LIX1L: variants seen among roughly 807,000 people sequenced by gnomAD.
LIX1L encodes LIX1-like protein.
LIX1L carries 20 observed loss-of-function variants against 34.0 expected under a neutral mutation model. That is an observed-to-expected ratio of 0.59 (90% CI 0.41 to 0.85). The LOEUF is 0.85. LIX1L is among the 40% of genes least tolerant of loss of function. The probability of loss-of-function intolerance (pLI) is 0.00; values close to 1 mark genes in which losing one functional copy is unlikely to be tolerated. For synonymous variants in LIX1L, 170 were observed against 187.4 expected (o/e 0.91, Z 0.76); for missense variants, 397 against 447.0 (o/e 0.89, Z 1.01).
intron 1 of LIX1L, chr1:145,949,025 A>G (rs782426027): frequency 1.3e-5 from 2 of 152,220 alleles, no homozygotes; most frequent in Non-Finnish European, 1.5e-5. Context: ...TTGCTGTGCT[A>G]TGAATAATAA....
At chr1:145,951,709 G>C (rs1354657919) in intron 1 of LIX1L, among the ~76,000 whole-genome samples, 1 of 152,158 alleles carries the variant, frequency 6.6e-6, no homozygotes, top group Non-Finnish European at 1.5e-5. Flanking sequence ...TTCAGCTCCA[G>C]TTCCCTCTTT....
At position 145,936,497 on chromosome 1, in the gene LIX1L, A is replaced by G. The variant is rs370410084; in HGVS notation, c.827T>C (p.Met276Thr). 2 of 1,614,136 alleles carry G rather than the reference A, an allele frequency of 1.2e-6. No homozygotes were observed. The highest frequency in any genetic ancestry group is 2.2e-5 in the East Asian group (1 of 44,882). The change falls in exon 6 of 6, where the codon ATG becomes ACG. Residue 276 changes from methionine to threonine, a missense_variant. Met to Thr is a moderately conservative substitution (Grantham distance 81). Transcript: ENST00000604000. Reference sequence around the variant, plus strand: ...CTCCCGGCTCACCCAGTCCAAGGCCATTTGGTGGCGAATATCATCATCCAG... The same window carrying G: ...CTCCCGGCTCACCCAGTCCAAGGCCGTTTGGTGGCGAATATCATCATCCAG... ...RALDDDIRHQ[M>T]ALDWVSREQS...
chr1:145,936,377 T>A lies in LIX1L; in HGVS notation c.947A>T (p.Lys316Met), dbSNP rs781879398. ...CAGCACAAGAATATCTTTCTTCTCC[T>A]TGTGGAAGCGCAGCTCCTTGCCTGC... ...RLAGKELRFH[K>M]EKKDILVLAA... is the part of the protein sequence containing the mutation. The change falls in exon 6 of 6, where the codon AAG becomes ATG. Residue 316 changes from lysine (K) to methionine (M), a missense_variant. Lys to Met is a moderately conservative substitution (Grantham distance 95). Around this residue, in one of 3 missense-constraint regions of LIX1L, gnomAD observed 174 missense variants for 204.0 expected, o/e 0.85. Transcript: ENST00000604000. 1 of 1,614,208 alleles carries A rather than the reference T, an allele frequency of 6.2e-7. No homozygotes were observed. Among genetic ancestry groups the A allele is most frequent in the East Asian group, 2.2e-5 (1 of 44,880 alleles).
intron 3 of LIX1L, among the ~76,000 whole-genome samples, chr1:145,939,544 T>G (rs1173225215): frequency 6.6e-6 from 1 of 151,946 alleles, no homozygotes; most frequent in Non-Finnish European, 1.5e-5. Context: ...TGACCTCAGG[T>G]GATCTGCTCA....
chr1:145,938,022 A>G (rs774383906), intron 3 of LIX1L, among the ~76,000 whole-genome samples: 36 of 151,876 alleles, frequency 2.4e-4, no homozygotes, highest in Admixed American at 3.9e-4. Flanking sequence ...CCAGCTACTC[A>G]GGAGGCTGAG....
intron 1 of LIX1L, among the ~76,000 whole-genome samples, chr1:145,953,411 A>T (rs782227434): frequency 1.2e-4 from 18 of 152,206 alleles, no homozygotes; most frequent in Non-Finnish European, 2.4e-4. Flanking sequence ...ATCATAGAGG[A>T]TGGCGAGAAT....
Sources: allele counts gnomAD v4.1 joint callset (sites outside exome capture counted in the v4.1 genomes callset), GRCh38; gene constraint gnomAD v4.1.1; regional missense constraint gnomAD v4.1.1; transcripts MANE v1.5; gene names NCBI Gene and HGNC (gene_info 2026-07-23, HGNC 2026-07-21).